The following DCAF8L2 variants were observed in gnomAD, a reference collection of about 807,000 sequenced individuals.
DCAF8L2 encodes the protein DDB1- and CUL4-associated factor 8-like protein 2.
For synonymous variants in DCAF8L2, 200 were observed against 190.9 expected, an observed-to-expected ratio of 1.05 and a Z score of -0.39; for missense variants, 430 against 490.7, an observed-to-expected ratio of 0.88 and a Z score of 1.17.
intron 3 of DCAF8L2, among the ~76,000 whole-genome samples, chrX:27,687,668 A>G (rs767813146): frequency 4.5e-5 from 5 of 111,499 alleles, no homozygotes; most frequent in African/African-American, 1.6e-4. Flanking sequence ...AGCCTGGGAA[A>G]CATAGGAAGA....
the DCAF8L2 span, among the ~76,000 whole-genome samples, chrX:27,553,009 T>C: frequency 8.9e-6 from 1 of 112,021 alleles, no homozygotes; most frequent in Non-Finnish European, 1.9e-5. Context: ...GGGTATTTTA[T>C]TTTATTTTAC....
chrX:27,692,328 T>C (rs1056134880), intron 3 of DCAF8L2, among the ~76,000 whole-genome samples: 2 of 111,910 alleles, frequency 1.8e-5, no homozygotes, highest in Admixed American at 9.5e-5. Context: ...CATAGTATCA[T>C]GAGACAGACA....
chrX:27,487,639 T>C, the DCAF8L2 span, among the ~76,000 whole-genome samples: 13 of 112,529 alleles, frequency 1.2e-4, no homozygotes, highest in Middle Eastern at 9.2e-3. Context: ...ACTTTATTGA[T>C]ATGTAATTTA....
chrX:27,557,018 T>C, the DCAF8L2 span, among the ~76,000 whole-genome samples: 522 of 112,603 alleles, frequency 4.6e-3, 2 homozygotes, highest in Middle Eastern at 0.014. Context: ...TATTTTCAAG[T>C]ATTCTCATCA....
At chrX:27,495,519 G>C in the DCAF8L2 span, among the ~76,000 whole-genome samples, 68 of 111,898 alleles carry the variant, frequency 6.1e-4, 1 homozygote, top group South Asian at 0.024. Flanking sequence ...TCACGATATT[G>C]AATTTTCTAA....
chrX:27,649,748 G>C (rs1039414779), intron 2 of DCAF8L2, among the ~76,000 whole-genome samples: 6 of 111,705 alleles, frequency 5.4e-5, no homozygotes, highest in Non-Finnish European at 9.4e-5. Context: ...CATTGCGTAG[G>C]TTTTCTGTTT....
the DCAF8L2 span, among the ~76,000 whole-genome samples, chrX:27,568,808 C>T: frequency 9.2e-6 from 1 of 108,275 alleles, no homozygotes; most frequent in African/African-American, 3.4e-5. Flanking sequence ...TCTCCTAATG[C>T]TATCCCTCCC....
chrX:27,706,961 A>C (rs1488083125), intron 3 of DCAF8L2, among the ~76,000 whole-genome samples: 1 of 112,600 alleles, frequency 8.9e-6, no homozygotes, highest in Non-Finnish European at 1.9e-5. Flanking sequence ...ATAGGGAATG[A>C]AGTACTGATA....
intron 3 of DCAF8L2, among the ~76,000 whole-genome samples, chrX:27,678,638 C>T (rs1569180096): frequency 9.0e-6 from 1 of 111,686 alleles, no homozygotes; most frequent in Non-Finnish European, 1.9e-5. Context: ...GAAGCTACAA[C>T]AGGCAAATTT....
intron 2 of DCAF8L2, among the ~76,000 whole-genome samples, chrX:27,673,436 A>G (rs901321446): frequency 1.2e-4 from 12 of 98,976 alleles, no homozygotes; most frequent in African/African-American, 4.5e-4. Context: ...TGAACCCGGG[A>G]GGCGGAGGTT....
the DCAF8L2 span, among the ~76,000 whole-genome samples, chrX:27,514,631 T>A: frequency 0.068 from 5,156 of 76,269 alleles, 475 homozygotes; most frequent in African/African-American, 0.24. Flanking sequence ...ATCCCGCCAC[T>A]GCACTCCAGC....
chrX:27,579,514 C>T, the DCAF8L2 span, among the ~76,000 whole-genome samples: 1 of 109,467 alleles, frequency 9.1e-6, no homozygotes, highest in Non-Finnish European at 1.9e-5. Context: ...CACATGTTTA[C>T]CTGTGTAACA....
chrX:27,514,696 C>CAAAAAAAAAAAAAAA, the DCAF8L2 span, among the ~76,000 whole-genome samples: 1 of 39,961 alleles, frequency 2.5e-5, no homozygotes, highest in Non-Finnish European at 4.3e-5. Flanking sequence ...AAAAAAAAAA[C>CAAAAAAAAAAAAAAA]AAAAAAAAAA....
intron 2 of DCAF8L2, among the ~76,000 whole-genome samples, chrX:27,640,090 T>TGAAC: frequency 9.0e-6 from 1 of 111,260 alleles, no homozygotes; most frequent in Non-Finnish European, 1.9e-5. Context: ...TCCCCCCTCC[T>TGAAC]CCCACCAATG....
the DCAF8L2 span, among the ~76,000 whole-genome samples, chrX:27,547,211 C>T: frequency 5.4e-5 from 6 of 111,979 alleles, no homozygotes; most frequent in African/African-American, 1.9e-4. Context: ...CCATTTGAGA[C>T]CACCTCAGCC....
At chrX:27,675,835 A>C (rs7065988) in intron 2 of DCAF8L2, among the ~76,000 whole-genome samples, 10,418 of 111,077 alleles carry the variant, frequency 0.094, 1,190 homozygotes, top group African/African-American at 0.32. Flanking sequence ...TCATGGGATC[A>C]TAAGTTTGTA....
chrX:27,517,363 A>AT, the DCAF8L2 span, among the ~76,000 whole-genome samples: 1 of 111,042 alleles, frequency 9.0e-6, no homozygotes, highest in Non-Finnish European at 1.9e-5. Flanking sequence ...GAATGTGGAA[A>AT]TATATACAGG....
intron 3 of DCAF8L2, among the ~76,000 whole-genome samples, chrX:27,701,076 T>C (rs1437434600): frequency 9.0e-6 from 1 of 111,570 alleles, no homozygotes; most frequent in East Asian, 2.8e-4. Context: ...GGAGGCTTCT[T>C]CATGATAGTT....
the DCAF8L2 span, among the ~76,000 whole-genome samples, chrX:27,526,822 G>A: frequency 0.043 from 4,878 of 112,439 alleles, 257 homozygotes; most frequent in African/African-American, 0.15. Context: ...TATCAGCAGC[G>A]GAAGCTGCAG....
Sources: allele counts gnomAD v4.1 joint callset (sites outside exome capture counted in the v4.1 genomes callset), GRCh38; gene constraint gnomAD v4.1.1; transcripts MANE v1.5; gene names NCBI Gene and HGNC (gene_info 2026-07-23, HGNC 2026-07-21).